Variants in DPP10 observed in about 807,000 individuals in gnomAD.
DPP10 encodes inactive dipeptidyl peptidase 10.
DPP10 carries 33 observed loss-of-function variants against 120.9 expected under a neutral mutation model. That is an observed-to-expected ratio of 0.27 (90% CI 0.21 to 0.37). The LOEUF (loss-of-function observed/expected upper bound fraction) is 0.37, where lower values mean the gene tolerates loss of function less well. Ranked by LOEUF, DPP10 falls within the 10% of genes least tolerant of loss-of-function variation. DPP10 has a pLI of 1.00. For synonymous variants in DPP10, 337 were observed against 326.1 expected (o/e 1.03, Z -0.36); for missense variants, 816 against 942.8 (o/e 0.87, Z 1.76).
At chr2:114,514,070 A>T (rs1684394070) in intron 1 of DPP10, among the ~76,000 whole-genome samples, 1 of 152,190 alleles carries the variant, frequency 6.6e-6, no homozygotes, top group Non-Finnish European at 1.5e-5. Flanking sequence ...TCCAAGGTTA[A>T]GTCTGAGGAG....
chr2:114,888,835 A>G (rs1325157948), intron 1 of DPP10, among the ~76,000 whole-genome samples: 7 of 152,120 alleles, frequency 4.6e-5, no homozygotes, highest in Non-Finnish European at 1.0e-4. Flanking sequence ...TTGGCTGAGA[A>G]CTCTTCATTT....
intron 1 of DPP10, among the ~76,000 whole-genome samples, chr2:114,451,005 G>T (rs1413283167): frequency 1.3e-5 from 2 of 151,940 alleles, no homozygotes; most frequent in Admixed American, 6.6e-5. Flanking sequence ...CCAGAATTTT[G>T]CCCTAAGAAA....
chr2:114,900,836 G>T (rs1021664076), intron 1 of DPP10, among the ~76,000 whole-genome samples: 6 of 152,044 alleles, frequency 3.9e-5, no homozygotes, highest in African/African-American at 1.5e-4. Flanking sequence ...CAGCTAAATA[G>T]CTTTAAAATT....
chr2:114,953,290 T>C (rs1165527988), intron 1 of DPP10, among the ~76,000 whole-genome samples: 1 of 152,142 alleles, frequency 6.6e-6, no homozygotes, highest in Non-Finnish European at 1.5e-5. Flanking sequence ...TAGTTAAAAT[T>C]ACGTTAATAA....
At chr2:114,973,254 C>A (rs1043229507) in intron 1 of DPP10, among the ~76,000 whole-genome samples, 5 of 151,826 alleles carry the variant, frequency 3.3e-5, no homozygotes, top group Non-Finnish European at 5.9e-5. Context: ...TAAAAGTATA[C>A]CACATGCAAT....
At chr2:115,807,035 C>G (rs192520627) in intron 19 of DPP10, among the ~76,000 whole-genome samples, 1 of 152,270 alleles carries the variant, frequency 6.6e-6, no homozygotes, top group Non-Finnish European at 1.5e-5. Context: ...ATGACCCTTT[C>G]TAAGTGCAAG....
chr2:115,803,486 G>A (rs1355396103), intron 19 of DPP10, among the ~76,000 whole-genome samples: 1 of 152,150 alleles, frequency 6.6e-6, no homozygotes, highest in African/African-American at 2.4e-5. Flanking sequence ...GATGTTAGCT[G>A]GTTATTTTGC....
chr2:114,832,005 T>A (rs757460177), intron 1 of DPP10, among the ~76,000 whole-genome samples: 48 of 150,626 alleles, frequency 3.2e-4, no homozygotes, highest in Non-Finnish European at 5.2e-4. Context: ...TTAAGAACAA[T>A]GTTTGCACAC....
intron 1 of DPP10, among the ~76,000 whole-genome samples, chr2:114,834,942 C>T (rs1253687124): frequency 6.7e-6 from 1 of 149,460 alleles, no homozygotes; most frequent in African/African-American, 2.5e-5. Flanking sequence ...ATCTACACAC[C>T]TATGTATATA....
intron 4 of DPP10, among the ~76,000 whole-genome samples, chr2:115,505,245 A>G (rs910908897): frequency 6.6e-6 from 1 of 151,908 alleles, no homozygotes; most frequent in African/African-American, 2.4e-5. Context: ...TTATCTGAGT[A>G]ATATAAAAAT....
chr2:115,620,220 C>T (rs1299506322), intron 5 of DPP10, among the ~76,000 whole-genome samples: 4 of 152,296 alleles, frequency 2.6e-5, no homozygotes, highest in East Asian at 1.9e-4. Context: ...TGACTTTCCA[C>T]GTGATCTTTC....
chr2:114,674,065 A>G (rs1698516330), intron 1 of DPP10, among the ~76,000 whole-genome samples: 1 of 152,112 alleles, frequency 6.6e-6, no homozygotes, highest in African/African-American at 2.4e-5. Flanking sequence ...TCTAATAATT[A>G]AAGTTAGTTA....
intron 1 of DPP10, among the ~76,000 whole-genome samples, chr2:115,167,360 C>A (rs2105024779): frequency 6.6e-6 from 1 of 151,448 alleles, no homozygotes; most frequent in Non-Finnish European, 1.5e-5. Context: ...GAGTTCTAGA[C>A]CAGCGTGGGC....
intron 1 of DPP10, among the ~76,000 whole-genome samples, chr2:115,068,925 T>C (rs1707144803): frequency 6.6e-6 from 1 of 152,158 alleles, no homozygotes; most frequent in Non-Finnish European, 1.5e-5. Flanking sequence ...GGGCTGTATG[T>C]CTATTTTTAT....
At chr2:114,508,289 A>T (rs925458872) in intron 1 of DPP10, among the ~76,000 whole-genome samples, 1 of 152,140 alleles carries the variant, frequency 6.6e-6, no homozygotes, top group Non-Finnish European at 1.5e-5. Flanking sequence ...GTAACCACTC[A>T]TCTGTTTTTG....
At chr2:114,495,415 T>C (rs561643568) in intron 1 of DPP10, among the ~76,000 whole-genome samples, 30 of 152,332 alleles carry the variant, frequency 2.0e-4, no homozygotes, top group Admixed American at 1.3e-3. Flanking sequence ...GTAAGATCTG[T>C]AAATACTGCT....
At chr2:115,414,399 C>A (rs564022639) in intron 3 of DPP10, among the ~76,000 whole-genome samples, 17 of 152,238 alleles carry the variant, frequency 1.1e-4, no homozygotes, top group Non-Finnish European at 2.1e-4. Flanking sequence ...CATTTTCCAT[C>A]ATCTTTTATC....
At chr2:115,005,679 A>C (rs1701769311) in intron 1 of DPP10, among the ~76,000 whole-genome samples, 1 of 152,082 alleles carries the variant, frequency 6.6e-6, no homozygotes, top group Non-Finnish European at 1.5e-5. Context: ...AAAGAATAAA[A>C]AGAAATGAGC....
intron 1 of DPP10, among the ~76,000 whole-genome samples, chr2:115,155,247 T>C (rs1435648484): frequency 6.6e-6 from 1 of 152,126 alleles, no homozygotes; most frequent in African/African-American, 2.4e-5. Flanking sequence ...CTAAAGGCAT[T>C]CAATTGTGCA....
Sources: allele counts gnomAD v4.1 joint callset (sites outside exome capture counted in the v4.1 genomes callset), GRCh38; gene constraint gnomAD v4.1.1; transcripts MANE v1.5; gene names NCBI Gene and HGNC (gene_info 2026-07-23, HGNC 2026-07-21).